The following PRKCH variants were observed in gnomAD, a reference collection of about 807,000 sequenced individuals.
PRKCH encodes protein kinase C eta.
A neutral mutation model predicts 82.5 loss-of-function variants in PRKCH; 28 were observed. The observed-to-expected ratio is 0.34, with a 90% CI of 0.25 to 0.47. PRKCH has a LOEUF of 0.47. PRKCH is among the 20% of genes least tolerant of loss of function. The probability of loss-of-function intolerance (pLI) is 1.00; values close to 1 mark genes in which losing one functional copy is unlikely to be tolerated. For synonymous variants in PRKCH, 322 were observed against 327.4 expected (o/e 0.98, Z 0.18); for missense variants, 705 against 881.8 (o/e 0.80, Z 2.54).
chr14:61,486,680 CTTTCTT>C (rs1886239910), intron 10 of PRKCH, among the ~76,000 whole-genome samples: 1 of 146,310 alleles, frequency 6.8e-6, no homozygotes, highest in Non-Finnish European at 1.5e-5. Flanking sequence ...TTCTTTCTTT[CTTTCTT>C]TTTTTTTTTT....
chr14:61,451,061 G>A, intron 6 of PRKCH, 90 bp downstream of exon 6: 1 of 1,423,760 alleles, frequency 7.0e-7, no homozygotes, highest in Non-Finnish European at 9.5e-7. Flanking sequence ...ATCTGTCCTA[G>A]AACTGATGGT....
At chr14:61,416,048 C>A (rs75491881) in intron 2 of PRKCH, among the ~76,000 whole-genome samples, 4 of 91,256 alleles carry the variant, frequency 4.4e-5, no homozygotes. Context: ...CTTTTCTTTT[C>A]TTTTCTTTTT....
intron 2 of PRKCH, among the ~76,000 whole-genome samples, chr14:61,395,667 G>A (rs895978222): frequency 6.6e-6 from 1 of 152,016 alleles, no homozygotes; most frequent in African/African-American, 2.4e-5. Flanking sequence ...CTATATGAAG[G>A]TATGTTAGTG....
intron 1 of PRKCH, among the ~76,000 whole-genome samples, chr14:61,284,021 G>C (rs2045294017): frequency 6.6e-6 from 1 of 152,218 alleles, no homozygotes; most frequent in African/African-American, 2.4e-5. Flanking sequence ...TAATAGTGCA[G>C]ATGAGGTTGA....
chr14:61,364,629 GT>G (rs1422194405), intron 1 of PRKCH, among the ~76,000 whole-genome samples: 1 of 151,964 alleles, frequency 6.6e-6, no homozygotes, highest in Non-Finnish European at 1.5e-5. Context: ...AGCCTCAGGA[GT>G]TCGAGAGACC....
At chr14:61,303,564 T>C (rs766194237) in intron 1 of PRKCH, 5 of 152,164 alleles carry the variant, frequency 3.3e-5, no homozygotes, top group South Asian at 4.1e-4. Flanking sequence ...TCAACCTATC[T>C]GGATCTTTAA....
intron 1 of PRKCH, among the ~76,000 whole-genome samples, chr14:61,229,244 A>T (rs2044721517): frequency 6.6e-6 from 1 of 152,180 alleles, no homozygotes; most frequent in Non-Finnish European, 1.5e-5. Flanking sequence ...TTTTCATAGT[A>T]TTGATATACA....
At position 61,311,161 on chromosome 14, in the gene PRKCH, C is replaced by T. The variant is rs961434134; in HGVS notation, c.-19+123493C>T. 2.6e-5 allele frequency among the ~76,000 whole-genome samples: 4 copies of T among 152,368 alleles called. No homozygotes were observed. In the East Asian group the frequency reaches 7.7e-4, roughly 29 times the overall value. ...GCCCTGGAGACATTTTCCCCATTGT[C>T]TTGGCAATTAACATTTGGCTCCTTG... On this transcript the variant is annotated intron_variant, in intron 1 of 3. Coordinates refer to the PRKCH transcript ENST00000555185.
At chr14:61,432,108 A>G (rs900093271) in intron 2 of PRKCH, among the ~76,000 whole-genome samples, 26 of 149,696 alleles carry the variant, frequency 1.7e-4, no homozygotes, top group African/African-American at 5.7e-4. Flanking sequence ...GAATTTTAAC[A>G]TGTCTGTGTA....
intron 12 of PRKCH, chr14:61,537,739 G>C (rs1326280140): frequency 6.6e-6 from 1 of 152,268 alleles, no homozygotes; most frequent in Non-Finnish European, 1.5e-5. Flanking sequence ...ACTCTCCTGA[G>C]TCACCTTTGT....
chr14:61,252,098 A>G (rs1161063009), intron 1 of PRKCH, among the ~76,000 whole-genome samples: 2 of 152,126 alleles, frequency 1.3e-5, no homozygotes, highest in African/African-American at 4.8e-5. Context: ...TCAGCCTCCC[A>G]AAGTGCTGGG....
At chr14:61,198,901 G>A (rs2044459713) in intron 1 of PRKCH, among the ~76,000 whole-genome samples, 1 of 152,186 alleles carries the variant, frequency 6.6e-6, no homozygotes, top group African/African-American at 2.4e-5. Flanking sequence ...TCAGGCTGGG[G>A]AGGGTGTTTT....
intron 12 of PRKCH, among the ~76,000 whole-genome samples, chr14:61,539,134 G>A (rs1475005447): frequency 1.3e-5 from 2 of 152,180 alleles, no homozygotes; most frequent in Non-Finnish European, 1.5e-5. Context: ...ACGGGCATTG[G>A]CACAACTGCA....
intron 7 of PRKCH, 77 bp downstream of exon 7, chr14:61,453,430 G>C: frequency 6.7e-7 from 1 of 1,497,170 alleles, no homozygotes; most frequent in Non-Finnish European, 9.0e-7. Context: ...AGAGCATGTG[G>C]CCTCATCAAA....
At chr14:61,314,767 T>G (rs1270995511) in intron 1 of PRKCH, among the ~76,000 whole-genome samples, 9 of 152,134 alleles carry the variant, frequency 5.9e-5, no homozygotes, top group Non-Finnish European at 1.3e-4. Context: ...TTTCCTTCCC[T>G]TTATTCTCTC....
chr14:61,530,386 C>T, intron 11 of PRKCH, 21 bp from the exon 12 acceptor site: 1 of 1,504,240 alleles, frequency 6.6e-7, no homozygotes, highest in Non-Finnish European at 8.9e-7. Flanking sequence ...ACCACCTTCT[C>T]ACGCTGCCCC....
intron 1 of PRKCH, among the ~76,000 whole-genome samples, chr14:61,244,217 C>A (rs1014599370): frequency 6.6e-5 from 10 of 152,144 alleles, no homozygotes; most frequent in African/African-American, 2.4e-4. Flanking sequence ...AATTCCCAGA[C>A]CAGCTGCGGT....
intron 1 of PRKCH, among the ~76,000 whole-genome samples, chr14:61,202,321 C>T (rs1175963590): frequency 6.6e-6 from 1 of 152,228 alleles, no homozygotes; most frequent in Non-Finnish European, 1.5e-5. Context: ...GGGAGTTCCA[C>T]TTCCTCTTCC....
chr14:61,477,145 C>T (rs1885764077), intron 9 of PRKCH: 3 of 152,166 alleles, frequency 2.0e-5, no homozygotes, highest in Admixed American at 2.0e-4. Context: ...CGGAGATTTC[C>T]TTCTCCTTTC....
Sources: allele counts gnomAD v4.1 joint callset (sites outside exome capture counted in the v4.1 genomes callset), GRCh38; gene constraint gnomAD v4.1.1; transcripts MANE v1.5; gene names NCBI Gene and HGNC (gene_info 2026-07-23, HGNC 2026-07-21).